Variants in THSD7B observed in about 807,000 individuals in gnomAD.
THSD7B encodes the protein thrombospondin type 1 domain containing 7B, also known as thrombospondin type-1 domain-containing protein 7B.
In THSD7B, 138 loss-of-function variants were observed where a neutral mutation model predicts 213.6. The ratio of observed to expected loss-of-function variants is 0.65; its 90% CI spans 0.56 to 0.74. THSD7B has a LOEUF of 0.74. Among genes scored for constraint, THSD7B ranks in the 30% least tolerant of loss-of-function variants. THSD7B has a pLI of 0.00. For synonymous variants in THSD7B, 742 were observed against 687.0 expected, an observed-to-expected ratio of 1.08 and a Z score of -1.25; for missense variants, 1,931 against 1,991.5, an observed-to-expected ratio of 0.97 and a Z score of 0.58.
chr2:137,230,981 A>G (rs1681626090), intron 7 of THSD7B, 63 bp from the exon 8 acceptor site: 8 of 1,485,458 alleles, frequency 5.4e-6, no homozygotes, highest in Non-Finnish European at 6.5e-6. Flanking sequence ...CTGAAGTAAT[A>G]GATAAAGCAG....
chr2:137,086,923 A>G (rs952423487), intron 3 of THSD7B, among the ~76,000 whole-genome samples: 1 of 152,270 alleles, frequency 6.6e-6, no homozygotes, highest in Non-Finnish European at 1.5e-5. Context: ...TTACATGTGT[A>G]ACACATAGAG....
chr2:137,623,127 A>G (rs1425565781), intron 20 of THSD7B, among the ~76,000 whole-genome samples: 2 of 152,202 alleles, frequency 1.3e-5, no homozygotes, highest in Non-Finnish European at 2.9e-5. Context: ...AAGCTTACCT[A>G]CCACGATCAA....
chr2:136,811,157 C>T (rs568956291), intron 1 of THSD7B, among the ~76,000 whole-genome samples: 73 of 152,304 alleles, frequency 4.8e-4, no homozygotes, highest in African/African-American at 1.5e-3. Context: ...TCTTCCACTG[C>T]GTTCCCCACT....
intron 7 of THSD7B, among the ~76,000 whole-genome samples, chr2:137,171,805 CT>C (rs919984446): frequency 1.3e-5 from 2 of 152,088 alleles, no homozygotes; most frequent in African/African-American, 2.4e-5. Context: ...CTTTTCATTC[CT>C]TTTTTTCTCT....
At chr2:137,459,725 T>G (rs1687845998) in intron 15 of THSD7B, among the ~76,000 whole-genome samples, 1 of 151,690 alleles carries the variant, frequency 6.6e-6, no homozygotes, top group Non-Finnish European at 1.5e-5. Flanking sequence ...CCTATCTAGG[T>G]CTTTTGAAAT....
chr2:137,416,349 C>CA (rs915936300), intron 14 of THSD7B, among the ~76,000 whole-genome samples: 20 of 152,206 alleles, frequency 1.3e-4, no homozygotes, highest in African/African-American at 4.6e-4. Context: ...CTTCACCTGG[C>CA]ATGCCCTTTT....
intron 7 of THSD7B, among the ~76,000 whole-genome samples, chr2:137,179,653 A>AT (rs757551161): frequency 6.6e-6 from 1 of 151,934 alleles, no homozygotes; most frequent in Non-Finnish European, 1.5e-5. Context: ...ATAATCAAAT[A>AT]TTTTTTGAAT....
chr2:137,135,669 G>T (rs1002348816), intron 5 of THSD7B, among the ~76,000 whole-genome samples: 1 of 152,116 alleles, frequency 6.6e-6, no homozygotes, highest in Admixed American at 6.6e-5. Flanking sequence ...CCTGGGAAGA[G>T]CAGAACCACC....
intron 21 of THSD7B, among the ~76,000 whole-genome samples, chr2:137,652,947 T>C (rs867205376): frequency 1.6e-4 from 25 of 152,194 alleles, no homozygotes; most frequent in Middle Eastern, 3.2e-3. Context: ...GATAGATGCT[T>C]ATTTGGGGCT....
chr2:136,938,139 T>C (rs1051970236), intron 2 of THSD7B, among the ~76,000 whole-genome samples: 1 of 152,176 alleles, frequency 6.6e-6, no homozygotes, highest in African/African-American at 2.4e-5. Context: ...CACACCAAGA[T>C]GGGTACTTAT....
chr2:136,766,322 C>T (rs1442552797), intron 1 of THSD7B, among the ~76,000 whole-genome samples: 1 of 151,276 alleles, frequency 6.6e-6, no homozygotes, highest in South Asian at 2.1e-4. Flanking sequence ...CCTGTCCCTG[C>T]GAGTGGCTAG....
chr2:137,247,051 T>C (rs1363156757), intron 10 of THSD7B, among the ~76,000 whole-genome samples: 1 of 152,210 alleles, frequency 6.6e-6, no homozygotes, highest in East Asian at 1.9e-4. Context: ...CAATATGTCT[T>C]CACATACATT....
At chr2:137,432,787 A>G (rs1687213741) in intron 14 of THSD7B, among the ~76,000 whole-genome samples, 1 of 152,112 alleles carries the variant, frequency 6.6e-6, no homozygotes, top group Non-Finnish European at 1.5e-5. Context: ...CTTCTACTCA[A>G]TTTTAAGCCC....
chr2:136,859,091 A>C (rs10928575), intron 1 of THSD7B, among the ~76,000 whole-genome samples: 1 of 152,358 alleles, frequency 6.6e-6, no homozygotes, highest in East Asian at 1.9e-4. Flanking sequence ...CTCTAGGATT[A>C]GTAGTGTCTT....
chr2:137,574,735 A>C (rs532653450), intron 17 of THSD7B, among the ~76,000 whole-genome samples: 27 of 152,238 alleles, frequency 1.8e-4, no homozygotes, highest in African/African-American at 6.5e-4. Context: ...GGTATATTGC[A>C]TAACTTTAGT....
intron 3 of THSD7B, among the ~76,000 whole-genome samples, chr2:137,061,301 C>CAAAAA (rs35908147): frequency 6.9e-6 from 1 of 144,944 alleles, no homozygotes; most frequent in East Asian, 2.0e-4. Context: ...ATGTCATCTG[C>CAAAAA]AAAAAAAAAA....
intron 12 of THSD7B, among the ~76,000 whole-genome samples, chr2:137,303,614 T>G (rs1683660114): frequency 6.8e-6 from 1 of 147,054 alleles, no homozygotes; most frequent in South Asian, 2.2e-4. Flanking sequence ...TAGAAAAAGT[T>G]TAATTGTCCC....
chr2:137,561,672 A>T (rs367743309), intron 15 of THSD7B, among the ~76,000 whole-genome samples: 1 of 152,046 alleles, frequency 6.6e-6, no homozygotes, highest in East Asian at 1.9e-4. Context: ...TTGGGGTCCT[A>T]TCTCTTCATT....
intron 2 of THSD7B, among the ~76,000 whole-genome samples, chr2:136,958,582 A>T (rs1303788022): frequency 6.6e-6 from 1 of 152,202 alleles, no homozygotes; most frequent in Non-Finnish European, 1.5e-5. Flanking sequence ...GGAAAGGGAG[A>T]ACAAGGCCAA....
Sources: allele counts gnomAD v4.1 joint callset (sites outside exome capture counted in the v4.1 genomes callset), GRCh38; gene constraint gnomAD v4.1.1; transcripts MANE v1.5; gene names NCBI Gene and HGNC (gene_info 2026-07-23, HGNC 2026-07-21).